CSMD1: variants seen among roughly 807,000 people sequenced by gnomAD.
CSMD1 encodes the protein CUB and Sushi multiple domains 1, also known as CUB and sushi domain-containing protein 1.
A neutral mutation model predicts 417.5 loss-of-function variants in CSMD1; 213 were observed. The ratio of observed to expected loss-of-function variants is 0.51; its 90% confidence interval spans 0.46 to 0.57. The LOEUF is 0.57. CSMD1 is among the 20% of genes least tolerant of loss of function. The probability of loss-of-function intolerance (pLI) is 0.00; values close to 1 mark genes in which losing one functional copy is unlikely to be tolerated. For synonymous variants in CSMD1, 2,862 were observed against 1,736.8 expected (o/e 1.65, Z -16.11); for missense variants, 6,923 against 4,529.7 (o/e 1.53, Z -15.17).
intron 1 of CSMD1, among the ~76,000 whole-genome samples, chr8:4,678,132 CT>C (rs569777931): frequency 1.9e-4 from 28 of 148,530 alleles, no homozygotes; most frequent in African/African-American, 2.7e-4. Flanking sequence ...AAGAATTTTT[CT>C]TTTTTTTTTG....
At chr8:4,177,954 A>G (rs1239378647) in intron 3 of CSMD1, among the ~76,000 whole-genome samples, 9 of 152,146 alleles carry the variant, frequency 5.9e-5, no homozygotes, top group African/African-American at 2.2e-4. Flanking sequence ...TATCAACCAA[A>G]AAGAGTCCAG....
chr8:4,362,525 T>C (rs905206568), intron 3 of CSMD1, among the ~76,000 whole-genome samples: 2 of 152,204 alleles, frequency 1.3e-5, no homozygotes, highest in Non-Finnish European at 2.9e-5. Context: ...GTGCAATAGA[T>C]AGAACAGGAT....
intron 12 of CSMD1, among the ~76,000 whole-genome samples, chr8:3,439,153 C>CAAAAAAAAAAAAAAA (rs1563390140): frequency 5.0e-5 from 2 of 39,894 alleles, no homozygotes; most frequent in Non-Finnish European, 8.5e-5. Context: ...AAAAAAAAAA[C>CAAAAAAAAAAAAAAA]CAAGAAAAAA....
At chr8:4,347,853 A>C (rs1255805768) in intron 3 of CSMD1, among the ~76,000 whole-genome samples, 4 of 150,098 alleles carry the variant, frequency 2.7e-5, no homozygotes, top group African/African-American at 9.9e-5. Flanking sequence ...ACAAAAAAAA[A>C]CAGATCAGAG....
intron 2 of CSMD1, among the ~76,000 whole-genome samples, chr8:4,466,776 T>C (rs1235437297): frequency 6.6e-6 from 1 of 152,140 alleles, no homozygotes; most frequent in African/African-American, 2.4e-5. Flanking sequence ...AATATGAGAA[T>C]ACCACCAACT....
intron 4 of CSMD1, among the ~76,000 whole-genome samples, chr8:4,003,974 A>C (rs774188476): frequency 4.6e-5 from 7 of 152,216 alleles, no homozygotes; most frequent in Non-Finnish European, 1.0e-4. Flanking sequence ...ACTGGAAAAC[A>C]TTCAGAGACT....
intron 2 of CSMD1, among the ~76,000 whole-genome samples, chr8:4,471,049 A>G (rs770488362): frequency 6.6e-6 from 1 of 152,148 alleles, no homozygotes; most frequent in Non-Finnish European, 1.5e-5. Flanking sequence ...GCAAGGTCTA[A>G]TTTCCTCATT....
chr8:4,364,493 T>G (rs1801956611), intron 3 of CSMD1, among the ~76,000 whole-genome samples: 1 of 152,212 alleles, frequency 6.6e-6, no homozygotes, highest in Non-Finnish European at 1.5e-5. Flanking sequence ...TCTTGCTTTC[T>G]AGAAGACTCT....
At chr8:4,565,379 C>T (rs949470796) in intron 2 of CSMD1, among the ~76,000 whole-genome samples, 1 of 152,074 alleles carries the variant, frequency 6.6e-6, no homozygotes, top group Non-Finnish European at 1.5e-5. Flanking sequence ...CTGTGGTATG[C>T]CCACACTTAA....
chr8:3,725,352 G>A (rs1393721689), intron 6 of CSMD1, among the ~76,000 whole-genome samples: 1 of 152,148 alleles, frequency 6.6e-6, no homozygotes, highest in Non-Finnish European at 1.5e-5. Context: ...CATGGACAGG[G>A]AAACAATGAC....
chr8:4,332,990 G>A (rs1451209819), intron 3 of CSMD1, among the ~76,000 whole-genome samples: 1 of 148,522 alleles, frequency 6.7e-6, no homozygotes, highest in Admixed American at 6.7e-5. Context: ...TGAGGTAAAC[G>A]TCATATGAAA....
Position 4,827,654 on chromosome 8 carries a change from C to G in CSMD1, c.85+166678G>C, listed in dbSNP as rs188172092. Among the ~76,000 whole-genome samples the G allele has an allele frequency of 7.2e-5, 11 of 152,160 alleles. No individual in the cohort carries two copies. The South Asian group carries it at 8.3e-4, about 11-fold the overall frequency. On this transcript the variant is annotated intron_variant, in intron 1 of 69. Transcript: ENST00000635120. ...AAGTCTTTAGGAATTCCCAGCTTCT[C>G]GAAATGCTTACTCTGATTTAGTGAA...
At chr8:4,327,485 C>G (rs1177983271) in intron 3 of CSMD1, among the ~76,000 whole-genome samples, 1 of 152,144 alleles carries the variant, frequency 6.6e-6, no homozygotes, top group African/African-American at 2.4e-5. Context: ...GGGGATGAGC[C>G]ATTCTCTGTG....
At chr8:3,266,413 C>T (rs1389938290) in intron 26 of CSMD1, among the ~76,000 whole-genome samples, 1 of 151,508 alleles carries the variant, frequency 6.6e-6, no homozygotes, top group Non-Finnish European at 1.5e-5. Context: ...TGAGACCAGC[C>T]TGGCTAACAT....
In CSMD1 at chr8:4,450,671, T is replaced by A. The variant is rs190696784; in HGVS notation, c.303-30606A>T. Among the ~76,000 whole-genome samples the A allele has an allele frequency of 1.5e-4, 23 of 152,300 alleles. No homozygotes were observed. In the East Asian group the frequency reaches 4.1e-3, roughly 27 times the overall value. ...TGGTACTTTGATGCAGTATCCACTG[T>A]CTTGCACTGTATCCAATGTATAACA... On this transcript the variant is annotated intron_variant, in intron 2 of 69. Coordinates refer to ENST00000635120, the MANE Select transcript of CSMD1 (RefSeq NM_033225.6).
chr8:3,568,859 T>C (rs1022724999), intron 10 of CSMD1, among the ~76,000 whole-genome samples: 6 of 152,102 alleles, frequency 3.9e-5, no homozygotes, highest in Admixed American at 3.3e-4. Context: ...AATTATTCAG[T>C]AGAAGGTAGG....
At chr8:3,796,067 T>A (rs1419691933) in intron 5 of CSMD1, among the ~76,000 whole-genome samples, 1 of 46,478 alleles carries the variant, frequency 2.2e-5, no homozygotes, top group Non-Finnish European at 4.6e-5. Context: ...GATATATATC[T>A]ATCATAGATA....
At chr8:4,476,962 G>C (rs73514649) in intron 2 of CSMD1, among the ~76,000 whole-genome samples, 1 of 152,190 alleles carries the variant, frequency 6.6e-6, no homozygotes, top group East Asian at 1.9e-4. Flanking sequence ...AAAGCATGAG[G>C]TGTGCTGCTG....
At chr8:4,083,146 G>T (rs548883154) in intron 3 of CSMD1, among the ~76,000 whole-genome samples, 1 of 151,954 alleles carries the variant, frequency 6.6e-6, no homozygotes, top group African/African-American at 2.4e-5. Context: ...GGGATGGCTG[G>T]GTCAAATGGT....
Sources: gnomAD v4.1 joint callset for allele counts (sites outside exome capture counted in the v4.1 genomes callset) on GRCh38, gnomAD v4.1.1 for gene constraint, MANE v1.5 for transcripts, NCBI Gene and HGNC (gene_info 2026-07-23, HGNC 2026-07-21) for gene names.